Variants in RPS6KA2 observed in about 807,000 individuals in gnomAD.
RPS6KA2 encodes ribosomal protein S6 kinase alpha-2.
A neutral mutation model predicts 91.8 loss-of-function variants in RPS6KA2; 42 were observed. The observed-to-expected ratio is 0.46, with a 90% CI of 0.36 to 0.59. The LOEUF is 0.59. Ranked by LOEUF, RPS6KA2 falls within the 20% of genes least tolerant of loss-of-function variation. The probability of loss-of-function intolerance (pLI) is 0.00; values close to 1 mark genes in which losing one functional copy is unlikely to be tolerated. For synonymous variants in RPS6KA2, 414 were observed against 393.6 expected (o/e 1.05, Z -0.61); for missense variants, 798 against 978.5 (o/e 0.82, Z 2.46).
chr6:166,475,349 C>T (rs1780932444), intron 10 of RPS6KA2, among the ~76,000 whole-genome samples: 2 of 152,346 alleles, frequency 1.3e-5, no homozygotes, highest in South Asian at 4.1e-4. Flanking sequence ...TGGCCCGGCC[C>T]CTGGCTGCTC....
chr6:166,561,371 T>A (rs1466492189), intron 1 of RPS6KA2, among the ~76,000 whole-genome samples: 1 of 152,132 alleles, frequency 6.6e-6, no homozygotes, highest in African/African-American at 2.4e-5. Context: ...CCCTCCACCA[T>A]TCTTCAGCTT....
At chr6:166,449,248 T>A (rs1222373995) in intron 13 of RPS6KA2, among the ~76,000 whole-genome samples, 2 of 152,136 alleles carry the variant, frequency 1.3e-5, no homozygotes, top group East Asian at 3.9e-4. Context: ...TCTGACTCCA[T>A]GGTGTCCAAG....
In RPS6KA2 at chr6:166,513,328, C is replaced by T. The variant is rs561085801; in HGVS notation, c.299-2971G>A. Among the ~76,000 whole-genome samples, 5 of 152,296 alleles carry T rather than the reference C, an allele frequency of 3.3e-5. No homozygotes were observed. In the East Asian group the frequency reaches 9.7e-4, roughly 29 times the overall value. On this transcript the variant is annotated intron_variant, in intron 3 of 20. Coordinates refer to ENST00000265678, the MANE Select transcript of RPS6KA2 (RefSeq NM_021135.6). ...CAGTGGTCCTCGCAGTTCCTAATCCCTTGAGACCAAAACACCAAGGTGGAG... is the reference window on the plus strand; with the variant it reads ...CAGTGGTCCTCGCAGTTCCTAATCCTTTGAGACCAAAACACCAAGGTGGAG...
Position 166,849,672 on chromosome 6 carries a change from C to T in RPS6KA2, c.123+8528G>A, listed in dbSNP as rs1287854080. Among the ~76,000 whole-genome samples the T allele has an allele frequency of 6.6e-6, 1 of 152,196 alleles. No homozygotes were observed. The highest frequency in any genetic ancestry group is 1.5e-5 in the Non-Finnish European group (1 of 68,038). On this transcript the variant is annotated intron_variant, in intron 2 of 21. Transcript: ENST00000503859. The surrounding 1 kb of genome is among the most constrained non-coding windows in gnomAD (Gnocchi z 4.9). ...ATAGGCATTTATTGGGCTAAATCCT[C>T]ACGTAGAATGAGCTTTCCCAACACA...
At chr6:166,452,546 C>T (rs552738036) in intron 12 of RPS6KA2, among the ~76,000 whole-genome samples, 4 of 152,096 alleles carry the variant, frequency 2.6e-5, no homozygotes, top group Non-Finnish European at 5.9e-5. Flanking sequence ...AAAGCTAGAA[C>T]TAGAAGCATC....
chr6:166,455,071 T>C (rs1031508538), intron 12 of RPS6KA2, among the ~76,000 whole-genome samples: 15 of 152,116 alleles, frequency 9.9e-5, no homozygotes, highest in Non-Finnish European at 2.2e-4. Context: ...CATATTTGTA[T>C]ATTCGAGAAT....
intron 1 of RPS6KA2, among the ~76,000 whole-genome samples, chr6:166,551,547 T>C (rs3778405): frequency 0.14 from 22,029 of 152,218 alleles, 2,181 homozygotes; most frequent in East Asian, 0.38. Context: ...CAGATCATCA[T>C]TTAGCAGTTT....
At chr6:166,653,824 G>A (rs1787932533) in intron 2 of RPS6KA2, among the ~76,000 whole-genome samples, 1 of 152,114 alleles carries the variant, frequency 6.6e-6, no homozygotes, top group African/African-American at 2.4e-5. Flanking sequence ...AACTTCTAGA[G>A]GAATAATTTG....
intron 8 of RPS6KA2, among the ~76,000 whole-genome samples, chr6:166,497,372 G>A (rs1389801016): frequency 1.3e-5 from 2 of 152,268 alleles, no homozygotes; most frequent in Non-Finnish European, 2.9e-5. Context: ...AATGACCAGG[G>A]ACGGAAGGGG....
At chr6:166,649,702 T>G (rs1787787582) in intron 2 of RPS6KA2, among the ~76,000 whole-genome samples, 1 of 152,180 alleles carries the variant, frequency 6.6e-6, no homozygotes, top group South Asian at 2.1e-4. Context: ...TAAAGGACCA[T>G]GCAATGGATG....
chr6:166,489,396 A>C (rs999215340), intron 9 of RPS6KA2, among the ~76,000 whole-genome samples: 1 of 152,124 alleles, frequency 6.6e-6, no homozygotes, highest in Non-Finnish European at 1.5e-5. Flanking sequence ...GTCTGTTGCG[A>C]TGCTATGAAG....
At chr6:166,414,071 A>G in intron 19 of RPS6KA2, 140 bp from the exon 20 acceptor site, 1 of 653,244 alleles carries the variant, frequency 1.5e-6, no homozygotes, top group Admixed American at 3.5e-5. Context: ...TTTTGGGGTC[A>G]TGTTCACTTT....
At chr6:166,646,280 C>T (rs1280874440) in intron 2 of RPS6KA2, among the ~76,000 whole-genome samples, 2 of 152,204 alleles carry the variant, frequency 1.3e-5, no homozygotes, top group Admixed American at 1.3e-4. Flanking sequence ...ACAGAAGCGG[C>T]GGCTGGGAGA....
In RPS6KA2 at chr6:166,648,218, A is replaced by G. The variant is rs528324476; in HGVS notation, c.124-109434T>C. ...CTCATACACACACTCATGCACACAC[A>G]CGCACATGCGCACACACACACATTC... is the stretch of plus-strand genomic sequence containing the variant. On this transcript the variant is annotated intron_variant, in intron 2 of 21. Coordinates refer to the RPS6KA2 transcript ENST00000503859. This position sits in a 1 kb window ranked among gnomAD's most constrained non-coding sequence, Gnocchi z 4.8. Among the ~76,000 whole-genome samples the G allele has an allele frequency of 2.0e-5, 3 of 151,224 alleles. No individual in the cohort carries two copies. The highest frequency in any genetic ancestry group is 6.6e-5 in the Admixed American group (1 of 15,136).
intron 12 of RPS6KA2, among the ~76,000 whole-genome samples, chr6:166,453,817 T>C (rs1468704782): frequency 6.6e-6 from 1 of 152,156 alleles, no homozygotes; most frequent in Admixed American, 6.5e-5. Flanking sequence ...CATCAACAGG[T>C]GATTGGGTAA....
intron 1 of RPS6KA2, among the ~76,000 whole-genome samples, chr6:166,553,823 C>T (rs572822819): frequency 6.6e-6 from 1 of 152,318 alleles, no homozygotes; most frequent in Admixed American, 6.5e-5. Context: ...CATCTGTTTT[C>T]AAATGTTTCC....
intron 1 of RPS6KA2, among the ~76,000 whole-genome samples, chr6:166,587,801 G>A (rs1434683542): frequency 2.0e-5 from 3 of 152,158 alleles, no homozygotes; most frequent in Non-Finnish European, 4.4e-5. Flanking sequence ...AGCACAGTGG[G>A]TAGAGTCTGA....
chr6:166,727,019 C>T (rs941765631), intron 2 of RPS6KA2, among the ~76,000 whole-genome samples: 10 of 152,190 alleles, frequency 6.6e-5, no homozygotes, highest in Non-Finnish European at 5.9e-5. Flanking sequence ...GAAACTTACA[C>T]GACTTTATCA....
chr6:166,615,728 G>A (rs141728999), intron 1 of RPS6KA2, among the ~76,000 whole-genome samples: 169 of 152,242 alleles, frequency 1.1e-3, no homozygotes, highest in African/African-American at 3.9e-3. Context: ...CCTTATCCCC[G>A]CTCTATCCTG....
Sources: allele counts gnomAD v4.1 joint callset (sites outside exome capture counted in the v4.1 genomes callset), GRCh38; gene constraint gnomAD v4.1.1; non-coding constraint Gnocchi (gnomAD v3.1); transcripts MANE v1.5; gene names NCBI Gene and HGNC (gene_info 2026-07-23, HGNC 2026-07-21).